The following PGR variants were observed in gnomAD, a reference collection of about 807,000 sequenced individuals.
PGR encodes the protein progesterone receptor.
PGR carries 25 observed loss-of-function variants against 76.1 expected under a neutral mutation model. The ratio of observed to expected loss-of-function variants is 0.33; its 90% confidence interval spans 0.24 to 0.46. The LOEUF (loss-of-function observed/expected upper bound fraction) is 0.46. Ranked by LOEUF, PGR falls within the 20% of genes least tolerant of loss-of-function variation. The pLI is 1.00. For missense variants in PGR, 1,172 were observed against 1,225.3 expected, an observed-to-expected ratio of 0.96 and a Z score of 0.65; for synonymous variants, 579 against 535.0, an observed-to-expected ratio of 1.08 and a Z score of -1.14.
Position 101,038,388 on chromosome 11 carries a change from A to T in PGR, c.*728T>A, listed in dbSNP as rs1179757404. The T allele has an allele frequency of 4.7e-6, 1 of 213,896 alleles. No homozygotes were observed. The highest frequency in any genetic ancestry group is 9.5e-6 in the Non-Finnish European group (1 of 105,782). The allele number at this position is 213,896 out of a possible 1,614,324, so 13.2% of individuals were successfully genotyped here. A position where few individuals can be genotyped will look rare whatever the true frequency, so the allele number is the denominator to read the frequency against. The stretch of plus-strand genomic sequence containing the variant: ...TTCTTATGTCCACTCGCAATACCTC[A>T]TTAGAGGACAATTCTCTCCCCAAAA... On this transcript the variant is annotated 3_prime_UTR_variant, in exon 8 of 8. Coordinates refer to ENST00000325455, the MANE Select transcript of PGR (RefSeq NM_000926.4).
At chr11:101,048,415 C>T (rs556233) in intron 6 of PGR, among the ~76,000 whole-genome samples, 48,641 of 151,892 alleles carry the variant, frequency 0.32, 8,945 homozygotes, top group African/African-American at 0.52. Flanking sequence ...GATTTCATCA[C>T]TGTGTGATTA....
chr11:101,038,970 AC>A lies in PGR; in HGVS notation c.*145del, dbSNP rs1165505747. Reference sequence around the variant, plus strand: ...TATAAAAGAAAATAATTAGAACCTCACAATTTTTCTTTTAAATTTACACACT... The same window carrying A: ...TATAAAAGAAAATAATTAGAACCTCAAATTTTTCTTTTAAATTTACACACT... On this transcript the variant is annotated 3_prime_UTR_variant, in exon 8 of 8. Transcript: ENST00000325455. 4.6e-5 allele frequency: 27 copies of A among 587,504 alleles called. No individual in the cohort carries two copies. Among genetic ancestry groups the A allele is most frequent in the Non-Finnish European group, 8.0e-5 (27 of 335,890 alleles). The allele number at this position is 587,504 out of a possible 1,614,324, so 36.4% of individuals were successfully genotyped here.
intron 6 of PGR, among the ~76,000 whole-genome samples, chr11:101,048,923 T>G (rs1398380562): frequency 6.6e-6 from 1 of 152,024 alleles, no homozygotes; most frequent in Non-Finnish European, 1.5e-5. Flanking sequence ...CTTTCTTTCT[T>G]TTTTTAGAGA....
chr11:101,052,317 G>A (rs11571232), intron 4 of PGR, among the ~76,000 whole-genome samples: 3,650 of 117,578 alleles, frequency 0.031, 116 homozygotes, highest in African/African-American at 0.091. Context: ...GTGTGTGTGT[G>A]TGTATTGGGG....
At chr11:101,105,664 A>G (rs1862134785) in intron 2 of PGR, among the ~76,000 whole-genome samples, 1 of 152,174 alleles carries the variant, frequency 6.6e-6, no homozygotes, top group Non-Finnish European at 1.5e-5. Flanking sequence ...AAAGTAATTT[A>G]TACATTCAAT....
intron 3 of PGR, among the ~76,000 whole-genome samples, chr11:101,068,965 C>T (rs1246849666): frequency 1.3e-5 from 2 of 152,158 alleles, no homozygotes; most frequent in Non-Finnish European, 2.9e-5. Context: ...TGGGCAAAGA[C>T]TTCATGACTA....
chr11:101,056,003 A>T (rs1470991686), intron 4 of PGR, among the ~76,000 whole-genome samples: 1 of 152,200 alleles, frequency 6.6e-6, no homozygotes, highest in East Asian at 1.9e-4. Context: ...ATCTGTGATA[A>T]ATGTACAATG....
chr11:101,091,006 G>A (rs1861658674), intron 3 of PGR, among the ~76,000 whole-genome samples: 2 of 152,220 alleles, frequency 1.3e-5, no homozygotes, highest in South Asian at 4.1e-4. Flanking sequence ...TTTTTATTAT[G>A]TTTTTAAAAA....
intron 2 of PGR, among the ~76,000 whole-genome samples, chr11:101,097,921 C>T (rs897415896): frequency 5.3e-5 from 8 of 151,792 alleles, no homozygotes; most frequent in Admixed American, 1.3e-4. Flanking sequence ...GAACTACAGG[C>T]GCCCACCACC....
intron 3 of PGR, among the ~76,000 whole-genome samples, chr11:101,087,538 TAAGTTCTCAAAAGCAATTGA>T (rs1861535599): frequency 6.6e-6 from 1 of 152,118 alleles, no homozygotes; most frequent in Non-Finnish European, 1.5e-5. Context: ...AATTTCTAAC[TAAGTTCTCAAAAGCAATTGA>T]AACAAAAACA....
In PGR at chr11:101,038,858, C is replaced by G. The variant is rs1033994695; in HGVS notation, c.*258G>C. The G allele has an allele frequency of 1.5e-5, 6 of 394,988 alleles. No individual in the cohort carries two copies. Among genetic ancestry groups the G allele is most frequent in the African/African-American group, 1.2e-4 (6 of 49,078 alleles). The allele number at this position is 394,988 out of a possible 1,614,324, so 24.5% of individuals were successfully genotyped here. A position where few individuals can be genotyped will look rare whatever the true frequency, so the allele number is the denominator to read the frequency against. Reference sequence around the variant, plus strand: ...GAAATAATATGGATAAGATAGTTTACTTTAACAATTTTAGTACTTTTTCAA... The same window carrying G: ...GAAATAATATGGATAAGATAGTTTAGTTTAACAATTTTAGTACTTTTTCAA... On this transcript the variant is annotated 3_prime_UTR_variant, in exon 8 of 8. Coordinates refer to ENST00000325455, the MANE Select transcript of PGR (RefSeq NM_000926.4).
chr11:101,093,289 T>C (rs1038000715), intron 2 of PGR, among the ~76,000 whole-genome samples: 4 of 151,684 alleles, frequency 2.6e-5, no homozygotes, highest in African/African-American at 9.7e-5. Context: ...GTGTACTGCA[T>C]ACTACTTTCT....
intron 3 of PGR, among the ~76,000 whole-genome samples, chr11:101,078,676 C>T (rs1398153576): frequency 2.0e-5 from 3 of 152,140 alleles, no homozygotes; most frequent in Non-Finnish European, 2.9e-5. Context: ...ACGAAGAAAT[C>T]AAATAACTCA....
intron 2 of PGR, among the ~76,000 whole-genome samples, chr11:101,095,490 C>T (rs1255469510): frequency 6.6e-6 from 1 of 152,156 alleles, no homozygotes; most frequent in Admixed American, 6.5e-5. Context: ...ATCAAAGCAA[C>T]CTTTGGAGGT....
rs765646477 is a variant in PGR at position 101,062,409 on chromosome 11, A to G, written c.2212+38T>C. 9.6e-6 allele frequency: 14 copies of G among 1,463,112 alleles called. No individual in the cohort carries two copies. The Admixed American group carries it at 1.8e-4, about 19-fold the overall frequency. 90.6% of individuals were successfully genotyped at this position (1,463,112 alleles called of 1,614,324 possible). On this transcript the variant is annotated intron_variant, in intron 4 of 7. Coordinates refer to ENST00000325455, the MANE Select transcript of PGR (RefSeq NM_000926.4). ...TGTACTAATACAACAAACATAGTAT[A>G]TTTTTTATTACATGCTGTATATAAA... is the stretch of plus-strand genomic sequence containing the variant.
rs1863007121 is a variant in PGR at position 101,128,986 on chromosome 11, A to G, written c.85T>C (p.Cys29Arg). 18 of 1,595,592 alleles carry G rather than the reference A, an allele frequency of 1.1e-5. No individual in the cohort carries two copies. The highest frequency in any genetic ancestry group is 1.4e-5 in the Non-Finnish European group (16 of 1,170,320). The change falls in exon 1 of 8, where the codon TGT (cysteine) becomes CGT (arginine). Residue 29 changes from cysteine to arginine, a missense_variant. Cys to Arg is a radical substitution (Grantham distance 180). Coordinates refer to ENST00000325455, the MANE Select transcript of PGR (RefSeq NM_000926.4). ...PSPEVGSPLL[C>R]RPAAGPFPGS... Reference sequence around the variant, plus strand: ...GGGAACGGACCTGCGGCTGGGCGACACAGCAGTGGGGATCCGACCTCGGGG... The same window carrying G: ...GGGAACGGACCTGCGGCTGGGCGACGCAGCAGTGGGGATCCGACCTCGGGG...
chr11:101,081,359 G>A (rs1190643792), intron 3 of PGR, among the ~76,000 whole-genome samples: 2 of 151,964 alleles, frequency 1.3e-5, no homozygotes, highest in East Asian at 1.9e-4. Flanking sequence ...AACTTGGAGG[G>A]CGGAGGTTGC....
intron 3 of PGR, among the ~76,000 whole-genome samples, chr11:101,070,449 G>A (rs1048355741): frequency 2.0e-5 from 3 of 152,060 alleles, no homozygotes; most frequent in African/African-American, 7.2e-5. Context: ...ATACCCCAGT[G>A]GCACCTGGAA....
At chr11:101,112,471 G>C (rs1862373269) in intron 2 of PGR, among the ~76,000 whole-genome samples, 1 of 152,108 alleles carries the variant, frequency 6.6e-6, no homozygotes, top group Non-Finnish European at 1.5e-5. Flanking sequence ...GGTAACCCCA[G>C]AAAAATGGGA....
Sources: allele counts gnomAD v4.1 joint callset (sites outside exome capture counted in the v4.1 genomes callset), GRCh38; gene constraint gnomAD v4.1.1; transcripts MANE v1.5; gene names NCBI Gene and HGNC (gene_info 2026-07-23, HGNC 2026-07-21).